Variants in PARPBP observed in about 807,000 individuals in gnomAD.
The protein encoded by PARPBP is PARP1 binding protein.
Under a neutral mutation model 50.0 loss-of-function variants are expected in PARPBP, and 52 were observed. That is an observed-to-expected ratio of 1.04 (90% CI 0.83 to 1.31). The LOEUF (loss-of-function observed/expected upper bound fraction) is 1.31. Ranked by LOEUF, PARPBP falls within the 50% of genes most tolerant of loss-of-function variation. PARPBP has a pLI of 0.00. For missense variants in PARPBP, 697 were observed against 672.0 expected (o/e 1.04, Z -0.41); for synonymous variants, 244 against 232.1 (o/e 1.05, Z -0.47).
intron 9 of PARPBP, among the ~76,000 whole-genome samples, chr12:102,183,629 TA>T (rs1890042836): frequency 6.6e-6 from 1 of 152,194 alleles, no homozygotes; most frequent in Non-Finnish European, 1.5e-5. Flanking sequence ...ATAAGATTTT[TA>T]AAATCTATCC....
At chr12:102,177,745 T>G (rs1388323565) in intron 7 of PARPBP, among the ~76,000 whole-genome samples, 1 of 152,222 alleles carries the variant, frequency 6.6e-6, no homozygotes, top group African/African-American at 2.4e-5. Flanking sequence ...CCTTGCTTAC[T>G]GAAGCAAGAG....
intron 2 of PARPBP, among the ~76,000 whole-genome samples, chr12:102,127,466 T>G (rs1242178464): frequency 6.6e-6 from 1 of 152,200 alleles, no homozygotes; most frequent in Non-Finnish European, 1.5e-5. Context: ...TTATCCCTCT[T>G]TCCATATTAG....
chr12:102,121,170 A>T (rs548604714), intron 1 of PARPBP, among the ~76,000 whole-genome samples: 2 of 152,316 alleles, frequency 1.3e-5, no homozygotes, highest in South Asian at 4.1e-4. Context: ...AGGCTCCCAC[A>T]GCCAGCTAGC....
At chr12:102,178,365 A>G (rs1047387949) in intron 7 of PARPBP, among the ~76,000 whole-genome samples, 1 of 152,168 alleles carries the variant, frequency 6.6e-6, no homozygotes, top group Non-Finnish European at 1.5e-5. Context: ...CCAGAACCTA[A>G]TGTCTTCTTT....
chr12:102,153,181 C>T (rs1886440819), intron 3 of PARPBP, among the ~76,000 whole-genome samples: 1 of 152,128 alleles, frequency 6.6e-6, no homozygotes, highest in Non-Finnish European at 1.5e-5. Context: ...AGGACGACAG[C>T]TTTGATCCCC....
intron 7 of PARPBP, among the ~76,000 whole-genome samples, chr12:102,176,712 C>A (rs1565895866): frequency 6.6e-6 from 1 of 152,110 alleles, no homozygotes; most frequent in Non-Finnish European, 1.5e-5. Context: ...TGAAGAAAGA[C>A]TTTTGCTTAA....
At chr12:102,137,349 AGTCT>A (rs1883797733) in intron 2 of PARPBP, among the ~76,000 whole-genome samples, 1 of 152,170 alleles carries the variant, frequency 6.6e-6, no homozygotes, top group Admixed American at 6.5e-5. Context: ...TAGAGTTGTT[AGTCT>A]GTCTAATGGC....
At chr12:102,168,895 C>G (rs1189756085) in intron 6 of PARPBP, among the ~76,000 whole-genome samples, 1 of 152,152 alleles carries the variant, frequency 6.6e-6, no homozygotes, top group Non-Finnish European at 1.5e-5. Flanking sequence ...TTTGTTTCTT[C>G]CAGTTCCTTC....
intron 4 of PARPBP, 84 bp downstream of exon 4, chr12:102,154,060 G>A (rs1360301857): frequency 6.2e-6 from 5 of 800,372 alleles, no homozygotes; most frequent in Admixed American, 2.3e-5. Context: ...AGTTACTAAT[G>A]CTTTGTAAAA....
intron 9 of PARPBP, among the ~76,000 whole-genome samples, chr12:102,185,002 G>A (rs879275726): frequency 6.6e-6 from 1 of 152,254 alleles, no homozygotes; most frequent in Admixed American, 6.5e-5. Flanking sequence ...AGATAACTTA[G>A]AATTTTGATG....
At chr12:102,170,866 T>C (rs1888619784) in intron 6 of PARPBP, among the ~76,000 whole-genome samples, 1 of 151,968 alleles carries the variant, frequency 6.6e-6, no homozygotes, top group Non-Finnish European at 1.5e-5. Context: ...TTTTTTTCTC[T>C]GTATCCTTAT....
At chr12:102,152,088 T>C (rs1334334835) in intron 3 of PARPBP, 2 of 341,124 alleles carry the variant, frequency 5.9e-6, no homozygotes, top group African/African-American at 2.1e-5. Flanking sequence ...TATTTCCAAC[T>C]GCATCCCTTG....
intron 4 of PARPBP, 72 bp from the exon 5 acceptor site, chr12:102,164,366 A>T: frequency 9.0e-7 from 1 of 1,113,136 alleles, no homozygotes; most frequent in Non-Finnish European, 1.3e-6. Context: ...ATACATTTTT[A>T]CTGCTTATGA....
intron 6 of PARPBP, among the ~76,000 whole-genome samples, chr12:102,174,681 C>T (rs1354806297): frequency 2.0e-5 from 3 of 152,168 alleles, no homozygotes; most frequent in Admixed American, 2.0e-4. Flanking sequence ...AGAGAATCCT[C>T]TTCTATTGGA....
intron 7 of PARPBP, among the ~76,000 whole-genome samples, chr12:102,177,895 C>T (rs760169678): frequency 3.3e-5 from 5 of 152,192 alleles, no homozygotes; most frequent in Non-Finnish European, 7.4e-5. Context: ...GCACCATGCT[C>T]TCTTCTTCCT....
chr12:102,124,491 C>T (rs2137033474), intron 2 of PARPBP, among the ~76,000 whole-genome samples: 1 of 152,206 alleles, frequency 6.6e-6, no homozygotes, highest in Admixed American at 6.5e-5. Flanking sequence ...TAGCTTGAGC[C>T]AAACTAGCGT....
At chr12:102,179,993 A>C (rs1311351950) in intron 8 of PARPBP, among the ~76,000 whole-genome samples, 1 of 152,150 alleles carries the variant, frequency 6.6e-6, no homozygotes, top group Non-Finnish European at 1.5e-5. Flanking sequence ...CCTATGCCTC[A>C]GTATCCTTTC....
Position 102,151,679 on chromosome 12 carries a change from G to C in PARPBP, c.388-2190G>C, listed in dbSNP as rs970361804. 5 of 1,535,492 alleles carry C rather than the reference G, an allele frequency of 3.3e-6. No individual in the cohort carries two copies. The African/African-American group carries it at 6.8e-5, about 21-fold the overall frequency. On this transcript the variant is annotated intron_variant, in intron 3 of 10. Coordinates refer to ENST00000327680, the MANE Select transcript of PARPBP (RefSeq NM_017915.5). ...GTGTCAGCCTCATTGACTCTGGAGC[G>C]GCAGAAGGGAGAGTCCCTCTTAGCA...
intron 6 of PARPBP, among the ~76,000 whole-genome samples, chr12:102,166,690 G>C (rs775311838): frequency 6.6e-6 from 1 of 152,084 alleles, no homozygotes; most frequent in Non-Finnish European, 1.5e-5. Flanking sequence ...TAGCAGAGTA[G>C]GGATCTGAAC....
Sources: allele counts gnomAD v4.1 joint callset (sites outside exome capture counted in the v4.1 genomes callset), GRCh38; gene constraint gnomAD v4.1.1; transcripts MANE v1.5; gene names NCBI Gene and HGNC (gene_info 2026-07-23, HGNC 2026-07-21).